The following PBX4 variants were observed in gnomAD, a reference collection of about 807,000 sequenced individuals.
PBX4 encodes PBX homeobox 4, also known as pre-B-cell leukemia transcription factor 4.
In PBX4, 26 loss-of-function variants were observed where a neutral mutation model predicts 35.1. The observed-to-expected ratio is 0.74, with a 90% CI of 0.54 to 1.03. The LOEUF (loss-of-function observed/expected upper bound fraction) is 1.03. PBX4 is among the 50% of genes least tolerant of loss of function. The probability of loss-of-function intolerance (pLI) is 0.00; values close to 1 mark genes in which losing one functional copy is unlikely to be tolerated. For missense variants in PBX4, 448 were observed against 504.3 expected, an observed-to-expected ratio of 0.89 and a Z score of 1.07; for synonymous variants, 199 against 204.2, an observed-to-expected ratio of 0.97 and a Z score of 0.22.
At chr19:19,566,147 A>G (rs965348831) in intron 5 of PBX4, among the ~76,000 whole-genome samples, 1 of 152,136 alleles carries the variant, frequency 6.6e-6, no homozygotes, top group Admixed American at 6.5e-5. Context: ...GAGCTAGTCC[A>G]TGGCCAAGGT....
rs148542886 is a variant in PBX4 at position 19,610,354 on chromosome 19, G to A, written c.119+8157C>T. 3.3e-3 allele frequency among the ~76,000 whole-genome samples: 506 copies of A among 151,522 alleles called. 11 individuals carry two copies. In the East Asian group the frequency reaches 0.036, roughly 11 times the overall value. On this transcript the variant is annotated intron_variant, in intron 1 of 7. Transcript: ENST00000251203. ...TTTGAACCCGGGAGGTGGAGGTTGCGGTGAGCAGAGATTGTGCCATTGCAC... is the reference window on the plus strand; with the variant it reads ...TTTGAACCCGGGAGGTGGAGGTTGCAGTGAGCAGAGATTGTGCCATTGCAC...
intron 2 of PBX4, among the ~76,000 whole-genome samples, chr19:19,586,194 A>G (rs1411451654): frequency 3.3e-5 from 5 of 152,056 alleles, no homozygotes; most frequent in African/African-American, 9.7e-5. Context: ...CGGGAGGATC[A>G]CTTAAGCCCA....
chr19:19,580,211 T>C (rs2061445680), intron 2 of PBX4, among the ~76,000 whole-genome samples: 1 of 151,622 alleles, frequency 6.6e-6, no homozygotes, highest in Non-Finnish European at 1.5e-5. Flanking sequence ...TGCCGGTGAC[T>C]CTGCACAGGT....
In PBX4 at chr19:19,581,845, C is replaced by T. The variant is rs141932641; in HGVS notation, c.194-11012G>A. Among the ~76,000 whole-genome samples, 38 of 152,230 alleles carry T rather than the reference C, an allele frequency of 2.5e-4. No homozygotes were observed. In the East Asian group the frequency reaches 3.5e-3, roughly 14 times the overall value. On this transcript the variant is annotated intron_variant, in intron 2 of 7. Coordinates refer to ENST00000251203, the MANE Select transcript of PBX4 (RefSeq NM_025245.3). ...TTGGCCAAGGAAGGTGTTCCTGCCA[C>T]GATGCAAGGTGACAGTGTGAGAATA...
At chr19:19,606,977 C>A (rs1475091807) in intron 1 of PBX4, among the ~76,000 whole-genome samples, 1 of 152,084 alleles carries the variant, frequency 6.6e-6, no homozygotes, top group African/African-American at 2.4e-5. Context: ...GGTGACACAG[C>A]AAGACTCTGT....
At chr19:19,586,163 T>C (rs1029485839) in intron 2 of PBX4, among the ~76,000 whole-genome samples, 1 of 152,148 alleles carries the variant, frequency 6.6e-6, no homozygotes, top group African/African-American at 2.4e-5. Flanking sequence ...CCTGTAATCC[T>C]AGCACTTTGA....
In PBX4 at chr19:19,563,811, C is replaced by CT. The variant is rs113898263; in HGVS notation, c.926-197dup. 6,314 of 465,544 alleles carry CT rather than the reference C, an allele frequency of 0.014. No individual in the cohort carries two copies. The highest frequency in any genetic ancestry group is 0.019 in the Middle Eastern group (32 of 1,648). The allele number at this position is 465,544 out of a possible 1,614,324, so 28.8% of individuals were successfully genotyped here. The stretch of plus-strand genomic sequence containing the variant: ...CTACTCATGTCCCCTCATGGCTTGT[C>CT]TTTTTTTTTTCTTTTTAAGACAGTC... On this transcript the variant is annotated intron_variant, in intron 6 of 7. Coordinates refer to ENST00000251203, the MANE Select transcript of PBX4 (RefSeq NM_025245.3). This position sits in a 1 kb window ranked among gnomAD's most constrained non-coding sequence, Gnocchi z 5.1.
At chr19:19,592,990 C>T (rs570206890) in intron 2 of PBX4, among the ~76,000 whole-genome samples, 13 of 152,276 alleles carry the variant, frequency 8.5e-5, no homozygotes, top group South Asian at 4.1e-4. Flanking sequence ...ATCTGTAAAA[C>T]GGGAGAAAAG....
intron 1 of PBX4, among the ~76,000 whole-genome samples, chr19:19,605,733 G>A (rs912171500): frequency 6.6e-6 from 1 of 151,768 alleles, no homozygotes; most frequent in Non-Finnish European, 1.5e-5. Context: ...GCCTCACAAA[G>A]TGTTAGGATT....
At position 19,561,986 on chromosome 19, in the gene PBX4, G is replaced by A. The variant is rs1417970882; in HGVS notation, c.*39C>T. ...ACAAAGCAACGGCTGGCGATACATG[G>A]CAGCTCACGCAGCGCTCTTTCCTGC... On this transcript the variant is annotated 3_prime_UTR_variant, in exon 8 of 8. Coordinates refer to ENST00000251203, the MANE Select transcript of PBX4 (RefSeq NM_025245.3). 1 of 1,543,686 alleles carries A rather than the reference G, an allele frequency of 6.5e-7. No individual in the cohort carries two copies. The highest frequency in any genetic ancestry group is 8.9e-7 in the Non-Finnish European group (1 of 1,126,404).
intron 2 of PBX4, among the ~76,000 whole-genome samples, chr19:19,581,779 G>C (rs2061455871): frequency 6.6e-6 from 1 of 152,194 alleles, no homozygotes; most frequent in African/African-American, 2.4e-5. Context: ...GTCATGCGGT[G>C]CTGCCATTGG....
At chr19:19,609,205 T>C (rs2144788345) in intron 1 of PBX4, among the ~76,000 whole-genome samples, 1 of 152,084 alleles carries the variant, frequency 6.6e-6, no homozygotes, top group South Asian at 2.1e-4. Flanking sequence ...CATGCCCAAA[T>C]CTCCATCCAA....
rs571297359 is a variant in PBX4, at chr19:19,601,919, G to A, written c.120-2554C>T. Among the ~76,000 whole-genome samples, 105 of 152,214 alleles carry A rather than the reference G, an allele frequency of 6.9e-4. No individual in the cohort carries two copies. In the South Asian group the frequency reaches 0.013, roughly 18 times the overall value. On this transcript the variant is annotated intron_variant, in intron 1 of 7. Transcript: ENST00000251203. The stretch of plus-strand genomic sequence containing the variant: ...TTTGGGAGGCCGAGGCAGGCAGATC[G>A]CTGGAGCTCAGGAGTTTGAGACCAG...
intron 2 of PBX4, among the ~76,000 whole-genome samples, chr19:19,595,090 C>T (rs1040085622): frequency 3.3e-5 from 5 of 152,154 alleles, no homozygotes; most frequent in Admixed American, 6.6e-5. Flanking sequence ...GCTAAACATC[C>T]GCTGTGGGCA....
chr19:19,595,746 TG>T (rs1428142585), intron 2 of PBX4, among the ~76,000 whole-genome samples: 5 of 19,464 alleles, frequency 2.6e-4, no homozygotes, highest in African/African-American at 9.1e-4. Flanking sequence ...AGCAGTCTGC[TG>T]GGGGGTGGGG....
chr19:19,573,562 C>T (rs918673328), intron 2 of PBX4, among the ~76,000 whole-genome samples: 8 of 151,898 alleles, frequency 5.3e-5, no homozygotes, highest in South Asian at 4.1e-4. Context: ...ACCCAGGCAG[C>T]GAATGTCCAT....
intron 2 of PBX4, among the ~76,000 whole-genome samples, chr19:19,582,999 T>C (rs149995758): frequency 0.019 from 2,918 of 152,326 alleles, 88 homozygotes; most frequent in African/African-American, 0.066. Flanking sequence ...AGCTCAGGCC[T>C]GCGTCATGAA....
At chr19:19,606,384 T>A (rs2061631254) in intron 1 of PBX4, 1 of 152,260 alleles carries the variant, frequency 6.6e-6, no homozygotes, top group Admixed American at 6.6e-5. Context: ...CTGCAGGAAG[T>A]GAATTCTTCC....
intron 2 of PBX4, chr19:19,588,441 C>T (rs1249617013): frequency 2.8e-6 from 3 of 1,055,064 alleles, no homozygotes; most frequent in East Asian, 5.3e-5. Flanking sequence ...CTGGCCACCA[C>T]ACAATTTTTG....
Sources: gnomAD v4.1 joint callset for allele counts (sites outside exome capture counted in the v4.1 genomes callset) on GRCh38, gnomAD v4.1.1 for gene constraint, Gnocchi (gnomAD v3.1) non-coding constraint, MANE v1.5 for transcripts, NCBI Gene and HGNC (gene_info 2026-07-23, HGNC 2026-07-21) for gene names.